Variants in TNNI3K observed in about 807,000 individuals in gnomAD.
The protein encoded by TNNI3K is TNNI3 interacting kinase.
A neutral mutation model predicts 114.5 loss-of-function variants in TNNI3K; 140 were observed. The observed-to-expected ratio is 1.22, with a 90% CI of 1.07 to 1.41. The LOEUF is 1.41. Ranked by LOEUF, TNNI3K falls within the 40% of genes most tolerant of loss-of-function variation. The pLI, the probability that TNNI3K is intolerant of heterozygous loss-of-function variation, is 0.00. For synonymous variants in TNNI3K, 347 were observed against 347.5 expected, an observed-to-expected ratio of 1.00 and a Z score of 0.02; for missense variants, 1,125 against 1,007.6, an observed-to-expected ratio of 1.12 and a Z score of -1.58.
intron 22 of TNNI3K, among the ~76,000 whole-genome samples, chr1:74,489,517 G>A (rs1668942143): frequency 6.6e-6 from 1 of 152,102 alleles, no homozygotes; most frequent in Non-Finnish European, 1.5e-5. Context: ...AAATTGATAA[G>A]TAAAAATTGG....
rs748626223 is a variant in TNNI3K, at chr1:74,497,564, GCACA to G, written c.2351+5313_2351+5316del. Among the ~76,000 whole-genome samples the G allele has an allele frequency of 2.9e-3, 431 of 147,376 alleles. 3 individuals are homozygous for G. The highest frequency in any genetic ancestry group is 0.01 in the African/African-American group (420 of 40,312). The stretch of plus-strand genomic sequence containing the variant: ...TGGCTTCAACTCACACCACATACAT[GCACA>G]CACACACACACACATACACATGCAC... On this transcript the variant is annotated intron_variant, in intron 23 of 24. Transcript: ENST00000326637.
chr1:74,302,805 G>T (rs1040874839), intron 5 of TNNI3K, among the ~76,000 whole-genome samples: 1 of 152,196 alleles, frequency 6.6e-6, no homozygotes, highest in African/African-American at 2.4e-5. Flanking sequence ...TAACAAAAGT[G>T]CAAGGTGAAG....
At chr1:74,285,590 G>A (rs551951640) in intron 5 of TNNI3K, among the ~76,000 whole-genome samples, 2 of 151,982 alleles carry the variant, frequency 1.3e-5, no homozygotes, top group East Asian at 3.9e-4. Flanking sequence ...AGTTTTATTT[G>A]ATTATTTTAT....
At chr1:74,428,380 A>G (rs1427839401) in intron 17 of TNNI3K, among the ~76,000 whole-genome samples, 2 of 151,946 alleles carry the variant, frequency 1.3e-5, no homozygotes, top group Non-Finnish European at 1.5e-5. Flanking sequence ...ATGAAGTCAA[A>G]CTAGGGTTGT....
chr1:74,504,050 A>T (rs187493702), intron 23 of TNNI3K, among the ~76,000 whole-genome samples: 2 of 152,318 alleles, frequency 1.3e-5, no homozygotes, highest in East Asian at 3.9e-4. Flanking sequence ...ACACCTCTTC[A>T]CCGCATCCCT....
intron 11 of TNNI3K, among the ~76,000 whole-genome samples, chr1:74,357,271 G>A (rs1162077716): frequency 2.6e-5 from 4 of 152,116 alleles, no homozygotes; most frequent in African/African-American, 9.7e-5. Context: ...CCTATCCCGG[G>A]AGAGATAAAC....
intron 5 of TNNI3K, among the ~76,000 whole-genome samples, chr1:74,306,544 G>A (rs1202549067): frequency 6.6e-6 from 1 of 152,054 alleles, no homozygotes; most frequent in African/African-American, 2.4e-5. Flanking sequence ...ACATGTGTTA[G>A]TTTTTGACTT....
intron 21 of TNNI3K, among the ~76,000 whole-genome samples, chr1:74,482,416 C>T (rs750908205): frequency 2.0e-5 from 3 of 152,128 alleles, no homozygotes; most frequent in Non-Finnish European, 2.9e-5. Flanking sequence ...GTAGTGAAGT[C>T]AAGAAATCCA....
chr1:74,475,116 CCACACACACACACACACACA>C (rs3058791), intron 21 of TNNI3K, among the ~76,000 whole-genome samples: 2 of 135,912 alleles, frequency 1.5e-5, no homozygotes, highest in Non-Finnish European at 3.1e-5. Context: ...CCACCTCAGC[CCACACACACACACACACACA>C]CACACACACA....
intron 5 of TNNI3K, among the ~76,000 whole-genome samples, chr1:74,323,259 G>A (rs758980319): frequency 1.3e-5 from 2 of 152,154 alleles, no homozygotes; most frequent in Non-Finnish European, 2.9e-5. Flanking sequence ...AAGACAAAAA[G>A]CAGCATGGGT....
chr1:74,368,116 C>G, intron 13 of TNNI3K, 152 bp downstream of exon 13: 2 of 695,446 alleles, frequency 2.9e-6, no homozygotes, highest in Non-Finnish European at 4.4e-6. Flanking sequence ...TCATAATTAA[C>G]CTTACCCTTT....
chr1:74,430,565 G>A (rs1394449853), intron 17 of TNNI3K, among the ~76,000 whole-genome samples: 2 of 152,056 alleles, frequency 1.3e-5, no homozygotes, highest in East Asian at 1.9e-4. Context: ...TATTCACATC[G>A]CTTATTCAGA....
intron 20 of TNNI3K, among the ~76,000 whole-genome samples, chr1:74,446,416 A>C (rs1335315219): frequency 6.7e-6 from 1 of 150,296 alleles, no homozygotes; most frequent in East Asian, 2.0e-4. Context: ...ATTTGTTTGA[A>C]TTCATTGTAG....
intron 5 of TNNI3K, among the ~76,000 whole-genome samples, chr1:74,309,014 A>T (rs987756122): frequency 6.6e-6 from 1 of 152,164 alleles, no homozygotes; most frequent in African/African-American, 2.4e-5. Flanking sequence ...TGATAGAAAA[A>T]CTACCAACCA....
intron 9 of TNNI3K, among the ~76,000 whole-genome samples, chr1:74,351,464 G>A (rs1454638236): frequency 1.3e-5 from 2 of 151,906 alleles, no homozygotes; most frequent in Admixed American, 6.6e-5. Flanking sequence ...CTCTTCTCGG[G>A]GAGTATCTTT....
At position 74,445,604 on chromosome 1, in the gene TNNI3K, TTTTTTTTC is replaced by T. The variant is rs958693303; in HGVS notation, c.2011+5998_2011+6005del. ...CATGGTGTATATGTTCCACATTTTCTTTTTTTTCTTTTTTTCTTTTTTTTGAGACGGAG... is the reference window on the plus strand; with the variant it reads ...CATGGTGTATATGTTCCACATTTTCTTTTTTTTCTTTTTTTTGAGACGGAG... On this transcript the variant is annotated intron_variant, in intron 20 of 24. Transcript: ENST00000326637. 4.1e-4 allele frequency among the ~76,000 whole-genome samples: 53 copies of T among 129,640 alleles called. 1 individual carries two copies. Among genetic ancestry groups the T allele is most frequent in the African/African-American group, 1.6e-3 (48 of 30,032 alleles). The allele number at this position is 129,640 out of a possible 152,430, so 85.0% of individuals were successfully genotyped here.
chr1:74,244,694 A>G (rs1032495477), intron 2 of TNNI3K, among the ~76,000 whole-genome samples: 2 of 150,204 alleles, frequency 1.3e-5, no homozygotes, highest in Non-Finnish European at 3.0e-5. Flanking sequence ...AGTAGTTTAT[A>G]TCAAGGAGAC....
chr1:74,354,497 CA>C lies in TNNI3K; in HGVS notation c.1177+370del, dbSNP rs45471799. Among the ~76,000 whole-genome samples the C allele has an allele frequency of 4.6e-3, 687 of 148,460 alleles. 5 individuals carry two copies. Among genetic ancestry groups the C allele is most frequent in the African/African-American group, 0.015 (586 of 40,108 alleles). On this transcript the variant is annotated intron_variant, in intron 11 of 24. Coordinates refer to ENST00000326637, the MANE Select transcript of TNNI3K (RefSeq NM_015978.3). Reference sequence around the variant, plus strand: ...GTTTCAAATTTATAAGAAAGAAGTACAAGGGGGGGGGAAAGAAATATTTGTC... The same window carrying C: ...GTTTCAAATTTATAAGAAAGAAGTACAGGGGGGGGGAAAGAAATATTTGTC...
chr1:74,326,267 A>T (rs1570468839), intron 5 of TNNI3K, among the ~76,000 whole-genome samples: 1 of 152,124 alleles, frequency 6.6e-6, no homozygotes, highest in East Asian at 1.9e-4. Context: ...AATTTACCCT[A>T]TTCTATTTTC....
Sources: gnomAD v4.1 joint callset for allele counts (sites outside exome capture counted in the v4.1 genomes callset) on GRCh38, gnomAD v4.1.1 for gene constraint, MANE v1.5 for transcripts, NCBI Gene and HGNC (gene_info 2026-07-23, HGNC 2026-07-21) for gene names.